Variants in SIGLEC9 observed in about 807,000 individuals in gnomAD.
SIGLEC9 encodes sialic acid binding Ig like lectin 9.
Under a neutral mutation model 38.3 loss-of-function variants are expected in SIGLEC9, and 26 were observed. That is an observed-to-expected ratio of 0.68 (90% CI 0.50 to 0.94). SIGLEC9 has a LOEUF of 0.94. Ranked by LOEUF, SIGLEC9 falls within the 40% of genes least tolerant of loss-of-function variation. The pLI is 0.00. For synonymous variants in SIGLEC9, 236 were observed against 248.0 expected (o/e 0.95, Z 0.45); for missense variants, 556 against 585.7 (o/e 0.95, Z 0.52).
At position 51,127,278 on chromosome 19, in the gene SIGLEC9, C is replaced by T; in HGVS notation, c.997C>T (p.Leu333=). The change falls in exon 4 of 7, where the codon CTG becomes TTG. Residue 333 remains leucine, a synonymous_variant. Transcript: ENST00000250360. The part of the protein sequence containing the change: ...QNPLGSQQVY[L]NVSLQSKATS... ...CCCTCTCGGCTCTCAGCAGGTCTAC[C>T]TGAACGTCTCCCTGCAGAGTGAGTG... is the stretch of plus-strand genomic sequence containing the variant. 1 of 1,612,338 alleles carries T rather than the reference C, an allele frequency of 6.2e-7. No individual in the cohort carries two copies.
At chr19:51,128,141 A>AGAGCTTGG in intron 5 of SIGLEC9, 102 bp downstream of exon 5, 1 of 981,710 alleles carries the variant, frequency 1.0e-6, no homozygotes, top group South Asian at 1.4e-5. Context: ...GGATGGGTCA[A>AGAGCTTGG]GAGCTTGGGG....
chr19:51,125,529 C>A, intron 1 of SIGLEC9, 68 bp from the exon 2 acceptor site: 2 of 1,580,490 alleles, frequency 1.3e-6, no homozygotes, highest in Non-Finnish European at 1.7e-6. Context: ...TGGACCAGAG[C>A]CTGAGCTCCC....
At chr19:51,129,841 G>T (rs139490654) in intron 6 of SIGLEC9, 50 bp from the exon 7 acceptor site, 2 of 1,355,582 alleles carry the variant, frequency 1.5e-6, no homozygotes, top group South Asian at 1.4e-5. Context: ...GAGCCACCGC[G>T]CCCCATCCTC....
downstream of SIGLEC9, among the ~76,000 whole-genome samples, chr19:51,130,748 T>C (rs920843301): frequency 4.6e-5 from 7 of 152,228 alleles, no homozygotes; most frequent in African/African-American, 1.7e-4. Flanking sequence ...CCATGGCTCC[T>C]GGATCCTGAA....
chr19:51,124,881 A>G (rs2091965163), upstream of SIGLEC9: 3 of 1,490,842 alleles, frequency 2.0e-6, no homozygotes, highest in South Asian at 2.6e-5. Flanking sequence ...GTCTTCCTGT[A>G]GGGCCTCCTC....
At position 51,130,173 on chromosome 19, in the gene SIGLEC9, A is replaced by T. The variant is rs928201782; in HGVS notation, c.*94A>T. 1 of 1,497,968 alleles carries T rather than the reference A, an allele frequency of 6.7e-7. No individual in the cohort carries two copies. The highest frequency in any genetic ancestry group is 8.9e-7 in the Non-Finnish European group (1 of 1,126,312). 92.8% of individuals were successfully genotyped at this position (1,497,968 alleles called of 1,614,324 possible). A position where few individuals can be genotyped will look rare whatever the true frequency, so the allele number is the denominator to read the frequency against. The stretch of plus-strand genomic sequence containing the variant: ...ATTCTTGTAGAATTAACAGCCCTCA[A>T]CGTGATGAGCTATGATAACACTATG... On this transcript the variant is annotated 3_prime_UTR_variant, in exon 7 of 7. Transcript: ENST00000250360.
downstream of SIGLEC9, among the ~76,000 whole-genome samples, chr19:51,133,049 T>A (rs2092025541): frequency 6.6e-6 from 1 of 151,658 alleles, no homozygotes; most frequent in Non-Finnish European, 1.5e-5. Flanking sequence ...TATATACATA[T>A]ATAGTTATAA....
At chr19:51,132,375 C>T (rs1013268781), downstream of SIGLEC9, among the ~76,000 whole-genome samples, 1 of 152,118 alleles carries the variant, frequency 6.6e-6, no homozygotes, top group Non-Finnish European at 1.5e-5. Flanking sequence ...GAGGTCGAGG[C>T]ATGGAAAAAT....
chr19:51,131,822 A>G (rs1382163123), downstream of SIGLEC9, among the ~76,000 whole-genome samples: 2 of 151,764 alleles, frequency 1.3e-5, no homozygotes, highest in African/African-American at 4.8e-5. Flanking sequence ...AGGCTGAGGC[A>G]GGAGAATTGC....
chr19:51,124,936 A>T lies in SIGLEC9; in HGVS notation c.-39A>T, dbSNP rs1267752010. 1 of 1,570,712 alleles carries T rather than the reference A, an allele frequency of 6.4e-7. No homozygotes were observed. The highest frequency in any genetic ancestry group is 1.8e-5 in the Admixed American group (1 of 56,200). ...TCCTGAGAGAAGAACCCTGAGGAAC[A>T]GACGTTCCCTCGCGGCCCTGGCACC... is the stretch of plus-strand genomic sequence containing the variant. On this transcript the variant is annotated 5_prime_UTR_variant, in exon 1 of 7. Coordinates refer to ENST00000250360, the MANE Select transcript of SIGLEC9 (RefSeq NM_014441.3).
At chr19:51,130,992 A>G (rs140759256), downstream of SIGLEC9, among the ~76,000 whole-genome samples, 1,384 of 152,336 alleles carry the variant, frequency 9.1e-3, 22 homozygotes, top group African/African-American at 0.031. Flanking sequence ...TTCTGGGTTG[A>G]GCTGAGGGAG....
downstream of SIGLEC9, among the ~76,000 whole-genome samples, chr19:51,130,626 G>C (rs10402313): frequency 0.031 from 4,770 of 152,214 alleles, 252 homozygotes; most frequent in African/African-American, 0.11. Context: ...AGCCTCATCT[G>C]CCCACCCTGT....
Position 51,125,419 on chromosome 19 carries a change from G to A in SIGLEC9, c.421+24G>A, listed in dbSNP as rs758721574. 3 of 1,565,426 alleles carry A rather than the reference G, an allele frequency of 1.9e-6. No homozygotes were observed. The African/African-American group carries it at 4.1e-5, about 21-fold the overall frequency. On this transcript the variant is annotated intron_variant, in intron 1 of 6. Transcript: ENST00000250360. ...AGGTAAGGCACAGGCTCCAGGAAAG[G>A]CCACAGGGAAAGGTCATGGGGGCGG...
chr19:51,121,870 G>A (rs1296039946), upstream of SIGLEC9, among the ~76,000 whole-genome samples: 2 of 152,024 alleles, frequency 1.3e-5, no homozygotes, highest in Admixed American at 6.5e-5. Flanking sequence ...TTACAGATCT[G>A]AGCCGCCGCA....
chr19:51,124,819 T>C (rs1381233379), upstream of SIGLEC9: 1 of 912,988 alleles, frequency 1.1e-6, no homozygotes, highest in Non-Finnish European at 1.6e-6. Context: ...CCTGACAGTG[T>C]CTGGGTGTAA....
At chr19:51,131,585 C>CAAAAA (rs1160571544), downstream of SIGLEC9, among the ~76,000 whole-genome samples, 2 of 147,448 alleles carry the variant, frequency 1.4e-5, no homozygotes, top group African/African-American at 5.2e-5. Flanking sequence ...GACTCCGTCT[C>CAAAAA]AAAAAAAATA....
intron 6 of SIGLEC9, chr19:51,129,065 T>C (rs987010166): frequency 6.6e-6 from 1 of 152,640 alleles, no homozygotes; most frequent in African/African-American, 2.4e-5. Context: ...ATGACTCAGA[T>C]ACTGTAGTTT....
chr19:51,123,205 C>A (rs1044450513), upstream of SIGLEC9, among the ~76,000 whole-genome samples: 1 of 152,190 alleles, frequency 6.6e-6, no homozygotes, highest in Non-Finnish European at 1.5e-5. Flanking sequence ...AGCTACTACT[C>A]CAGGTGAGCA....
chr19:51,128,600 A>C lies in SIGLEC9; in HGVS notation c.1203+90A>C, dbSNP rs980117985. ...GGACTAATCAGCTGGGCGTAGCCAA[A>C]GTTACCTCCTCTCTGTTCTTCCTTT... On this transcript the variant is annotated intron_variant, in intron 6 of 6. Coordinates refer to ENST00000250360, the MANE Select transcript of SIGLEC9 (RefSeq NM_014441.3). 4.5e-6 allele frequency: 5 copies of C among 1,102,856 alleles called. No individual in the cohort carries two copies. In the African/African-American group the frequency reaches 6.4e-5, roughly 14 times the overall value. The allele number at this position is 1,102,856 out of a possible 1,614,324, so 68.3% of individuals were successfully genotyped here. A position where few individuals can be genotyped will look rare whatever the true frequency, so the allele number is the denominator to read the frequency against.
Sources: allele counts gnomAD v4.1 joint callset (sites outside exome capture counted in the v4.1 genomes callset), GRCh38; gene constraint gnomAD v4.1.1; transcripts MANE v1.5; gene names NCBI Gene and HGNC (gene_info 2026-07-23, HGNC 2026-07-21).